PCDH15: variants seen among roughly 807,000 people sequenced by gnomAD.
PCDH15 encodes the protein protocadherin related 15.
In PCDH15, 129 loss-of-function variants were observed where a neutral mutation model predicts 178.5. That is an observed-to-expected ratio of 0.72 (90% CI 0.63 to 0.84). The LOEUF is 0.84. Among genes scored for constraint, PCDH15 ranks in the 40% least tolerant of loss-of-function variants. PCDH15 has a pLI of 0.00. For missense variants in PCDH15, 2,230 were observed against 2,099.9 expected (o/e 1.06, Z -1.21); for synonymous variants, 800 against 732.0 (o/e 1.09, Z -1.50).
At chr10:54,642,072 G>A (rs1222184602) in intron 2 of PCDH15, among the ~76,000 whole-genome samples, 1 of 150,782 alleles carries the variant, frequency 6.6e-6, no homozygotes, top group Non-Finnish European at 1.5e-5. Flanking sequence ...ACCCCCCAAC[G>A]TGATGGTATA....
intron 3 of PCDH15, among the ~76,000 whole-genome samples, chr10:54,896,511 C>T (rs573524390): frequency 7.5e-5 from 5 of 66,538 alleles, no homozygotes; most frequent in African/African-American, 1.8e-4. Context: ...AATTTCCCAG[C>T]GGAAAAAAAA....
At chr10:54,733,262 T>C (rs1943650556) in intron 1 of PCDH15, among the ~76,000 whole-genome samples, 1 of 151,508 alleles carries the variant, frequency 6.6e-6, no homozygotes, top group Non-Finnish European at 1.5e-5. Context: ...AAATAAACTT[T>C]CAAGAATAGC....
At chr10:54,072,785 T>C (rs1590240042) in intron 17 of PCDH15, among the ~76,000 whole-genome samples, 1 of 152,082 alleles carries the variant, frequency 6.6e-6, no homozygotes, top group Admixed American at 6.6e-5. Context: ...GCACTGAATA[T>C]ACAGCAATGG....
At chr10:54,419,655 G>A (rs1363196773) in intron 3 of PCDH15, among the ~76,000 whole-genome samples, 1 of 152,038 alleles carries the variant, frequency 6.6e-6, no homozygotes, top group African/African-American at 2.4e-5. Flanking sequence ...AAATACAATA[G>A]AAGTGTGCTC....
intron 10 of PCDH15, among the ~76,000 whole-genome samples, chr10:54,208,705 T>C (rs1016265163): frequency 1.3e-5 from 2 of 151,966 alleles, no homozygotes; most frequent in Non-Finnish European, 2.9e-5. Context: ...TGGCCTGAAC[T>C]GACTAGTACG....
At chr10:55,388,727 T>TA (rs1010124310) in intron 2 of PCDH15, among the ~76,000 whole-genome samples, 5 of 152,070 alleles carry the variant, frequency 3.3e-5, no homozygotes, top group Non-Finnish European at 5.9e-5. Context: ...AAATGGAAGA[T>TA]AAAAAATCCA....
chr10:55,372,309 C>A (rs1414536834), intron 2 of PCDH15, among the ~76,000 whole-genome samples: 1 of 151,898 alleles, frequency 6.6e-6, no homozygotes, highest in Non-Finnish European at 1.5e-5. Flanking sequence ...CCTGCACACC[C>A]ACCCATATGG....
intron 1 of PCDH15, among the ~76,000 whole-genome samples, chr10:54,683,588 C>A (rs2094938534): frequency 6.6e-6 from 1 of 152,000 alleles, no homozygotes; most frequent in Non-Finnish European, 1.5e-5. Context: ...AATTCTGGAT[C>A]AAAATTCTGA....
chr10:54,818,781 T>G (rs1952989271), intron 3 of PCDH15, among the ~76,000 whole-genome samples: 1 of 152,026 alleles, frequency 6.6e-6, no homozygotes, highest in African/African-American at 2.4e-5. Context: ...CTTCTAGTCA[T>G]GAAAACACAC....
At chr10:55,418,095 A>G (rs1393645360) in intron 2 of PCDH15, among the ~76,000 whole-genome samples, 1 of 151,690 alleles carries the variant, frequency 6.6e-6, no homozygotes, top group East Asian at 1.9e-4. Context: ...CATCTAAATC[A>G]TAACAAAAGG....
intron 21 of PCDH15, among the ~76,000 whole-genome samples, chr10:53,962,781 T>C (rs1554884046): frequency 3.3e-5 from 5 of 152,196 alleles, no homozygotes; most frequent in Non-Finnish European, 7.3e-5. Flanking sequence ...TCAAAGTGAT[T>C]GTAAAGGAAC....
At chr10:54,960,952 G>A (rs867607340) in intron 2 of PCDH15, among the ~76,000 whole-genome samples, 3 of 152,222 alleles carry the variant, frequency 2.0e-5, no homozygotes, top group South Asian at 4.1e-4. Flanking sequence ...CAATCACAAG[G>A]AAATTAAAAA....
intron 2 of PCDH15, among the ~76,000 whole-genome samples, chr10:54,587,840 T>C (rs186661616): frequency 6.6e-6 from 1 of 152,186 alleles, no homozygotes; most frequent in Admixed American, 6.5e-5. Flanking sequence ...AAAATAATAA[T>C]GTAAGATATG....
At chr10:54,767,499 G>A (rs1166720968) in intron 1 of PCDH15, among the ~76,000 whole-genome samples, 1 of 152,070 alleles carries the variant, frequency 6.6e-6, no homozygotes, top group Non-Finnish European at 1.5e-5. Context: ...CATCTTAAGT[G>A]TGCCCTGGTG....
intron 3 of PCDH15, among the ~76,000 whole-genome samples, chr10:54,398,978 C>T (rs1951590191): frequency 6.6e-6 from 1 of 152,078 alleles, no homozygotes; most frequent in Admixed American, 6.6e-5. Context: ...GTATGTTCTG[C>T]CACAGTAAAC....
chr10:55,405,026 TCTGAA>T (rs1838162900), intron 2 of PCDH15, among the ~76,000 whole-genome samples: 1 of 151,502 alleles, frequency 6.6e-6, no homozygotes, highest in Non-Finnish European at 1.5e-5. Context: ...AGAAATATGT[TCTGAA>T]CTTGAACTTA....
At chr10:54,640,517 T>C (rs1459429650) in intron 2 of PCDH15, among the ~76,000 whole-genome samples, 1 of 152,128 alleles carries the variant, frequency 6.6e-6, no homozygotes, top group Non-Finnish European at 1.5e-5. Flanking sequence ...AATAATATAA[T>C]ACCTACAAAA....
chr10:54,771,495 A>C (rs1949089097), intron 1 of PCDH15, among the ~76,000 whole-genome samples: 1 of 152,140 alleles, frequency 6.6e-6, no homozygotes, highest in East Asian at 1.9e-4. Context: ...AAAATCTAAT[A>C]GTTCAAGCCA....
intron 2 of PCDH15, among the ~76,000 whole-genome samples, chr10:55,112,927 C>T (rs1837544439): frequency 3.9e-5 from 6 of 152,096 alleles, no homozygotes; most frequent in Admixed American, 3.9e-4. Flanking sequence ...GAGGTCAGTC[C>T]ACTCTTCCTC....
Sources: gnomAD v4.1 joint callset for allele counts (sites outside exome capture counted in the v4.1 genomes callset) on GRCh38, gnomAD v4.1.1 for gene constraint, MANE v1.5 for transcripts, NCBI Gene and HGNC (gene_info 2026-07-23, HGNC 2026-07-21) for gene names.